The following PLXNA2 variants were observed in gnomAD, a reference collection of about 807,000 sequenced individuals.
The protein encoded by PLXNA2 is plexin A2.
Under a neutral mutation model 193.5 loss-of-function variants are expected in PLXNA2, and 91 were observed. The ratio of observed to expected loss-of-function variants is 0.47; its 90% CI spans 0.40 to 0.56. The LOEUF is 0.56. PLXNA2 is among the 20% of genes least tolerant of loss of function. The pLI, the probability that PLXNA2 is intolerant of heterozygous loss-of-function variation, is 0.00. For synonymous variants in PLXNA2, 997 were observed against 1,027.3 expected, an observed-to-expected ratio of 0.97 and a Z score of 0.56; for missense variants, 1,995 against 2,503.2, an observed-to-expected ratio of 0.80 and a Z score of 4.33.
At chr1:208,121,030 G>T (rs1158748841) in intron 4 of PLXNA2, among the ~76,000 whole-genome samples, 1 of 152,162 alleles carries the variant, frequency 6.6e-6, no homozygotes, top group Non-Finnish European at 1.5e-5. Flanking sequence ...GATTTCCTTT[G>T]TTACTCATTC....
At chr1:208,195,651 T>TGG (rs35681950) in intron 3 of PLXNA2, among the ~76,000 whole-genome samples, 1 of 109,076 alleles carries the variant, frequency 9.2e-6, no homozygotes, top group East Asian at 3.5e-4. Flanking sequence ...AAATGTTTTT[T>TGG]GGGGGGGGGG....
chr1:208,145,978 A>AGTGGTGG (rs1396551051), intron 3 of PLXNA2, among the ~76,000 whole-genome samples: 1 of 152,140 alleles, frequency 6.6e-6, no homozygotes, highest in Non-Finnish European at 1.5e-5. Context: ...CCCCCGATCC[A>AGTGGTGG]TGCTATCTGC....
chr1:208,114,334 T>C (rs1176097810), intron 4 of PLXNA2, among the ~76,000 whole-genome samples: 6 of 152,352 alleles, frequency 3.9e-5, no homozygotes, highest in African/African-American at 1.2e-4. Context: ...GGACCCCACG[T>C]TGATGTTCCC....
chr1:208,058,033 C>T (rs1571870313), intron 13 of PLXNA2, among the ~76,000 whole-genome samples: 1 of 152,206 alleles, frequency 6.6e-6, no homozygotes, highest in South Asian at 2.1e-4. Flanking sequence ...GCACCAGTCT[C>T]CTGGAATGCA....
intron 3 of PLXNA2, among the ~76,000 whole-genome samples, chr1:208,168,762 G>A (rs1284531773): frequency 1.2e-5 from 1 of 85,740 alleles, no homozygotes; most frequent in Admixed American, 1.7e-4. Context: ...AGAATGACAG[G>A]TAGTGCTCCT....
Position 208,103,210 on chromosome 1 carries a change from G to C in PLXNA2, c.1544C>G (p.Thr515Arg). 6.2e-7 allele frequency: 1 copy of C among 1,614,046 alleles called. No homozygotes were observed. Among genetic ancestry groups the C allele is most frequent in the Non-Finnish European group, 8.5e-7 (1 of 1,179,974 alleles). The change falls in exon 5 of 32, where the codon ACG becomes AGG. Residue 515 changes from threonine (T) to arginine (R), a missense_variant. By Grantham distance (71) the Thr-to-Arg change is moderately conservative. Coordinates refer to ENST00000367033, the MANE Select transcript of PLXNA2 (RefSeq NM_025179.4). ...RVPVESCEQY[T>R]TCGECLSSGD... ...AGAGCTCAGGCACTCCCCACAAGTCGTATACTGCTCACATGACTCCACGGG... is the reference window on the plus strand; with the variant it reads ...AGAGCTCAGGCACTCCCCACAAGTCCTATACTGCTCACATGACTCCACGGG...
chr1:208,065,006 T>C (rs1490306481), intron 12 of PLXNA2, among the ~76,000 whole-genome samples: 1 of 152,170 alleles, frequency 6.6e-6, no homozygotes, highest in Non-Finnish European at 1.5e-5. Context: ...CTGGCCTTTC[T>C]ACATGGATCT....
chr1:208,111,873 G>A (rs1667486991), intron 4 of PLXNA2, among the ~76,000 whole-genome samples: 1 of 152,118 alleles, frequency 6.6e-6, no homozygotes, highest in African/African-American at 2.4e-5. Context: ...AGGAAAAAGA[G>A]GCACAAAAAC....
chr1:208,035,175 TG>T (rs541596661), intron 26 of PLXNA2, among the ~76,000 whole-genome samples: 161 of 148,662 alleles, frequency 1.1e-3, no homozygotes, highest in Non-Finnish European at 1.9e-3. Context: ...ATTTTACAGA[TG>T]AAAAAAAAAA....
chr1:208,138,803 G>A (rs1357855948), intron 4 of PLXNA2, among the ~76,000 whole-genome samples: 1 of 152,200 alleles, frequency 6.6e-6, no homozygotes, highest in Non-Finnish European at 1.5e-5. Context: ...AAGGCAGGTG[G>A]ATCACTTGAG....
chr1:208,056,259 G>A (rs1665429257), intron 13 of PLXNA2, among the ~76,000 whole-genome samples: 1 of 152,158 alleles, frequency 6.6e-6, no homozygotes, highest in South Asian at 2.1e-4. Context: ...GCAGTGCTGG[G>A]GAAGACAAAG....
intron 1 of PLXNA2, among the ~76,000 whole-genome samples, chr1:208,238,048 G>A (rs1295073685): frequency 6.6e-6 from 1 of 152,178 alleles, no homozygotes; most frequent in African/African-American, 2.4e-5. Flanking sequence ...CTATACTATG[G>A]TTGAGAGGGA....
intron 2 of PLXNA2, among the ~76,000 whole-genome samples, chr1:208,214,674 A>G (rs192632457): frequency 1.3e-5 from 2 of 152,178 alleles, no homozygotes; most frequent in Non-Finnish European, 2.9e-5. Context: ...TGTACAAGAA[A>G]CCTACTTTTG....
At position 208,051,077 on chromosome 1, in the gene PLXNA2, C is replaced by T; in HGVS notation, c.3187G>A (p.Gly1063Ser). ...TCCTGAATGACATCCAGGTTGAAGCCTGTGATGGTCAGGGGTGTGTGGCCA... is the reference window on the plus strand; with the variant it reads ...TCCTGAATGACATCCAGGTTGAAGCTTGTGATGGTCAGGGGTGTGTGGCCA... ...ASGHTPLTITGFNLDVIQEPR... is the reference protein window; with the variant it reads ...ASGHTPLTITSFNLDVIQEPR... The change falls in exon 17 of 32, where the codon GGC becomes AGC. Residue 1063 changes from glycine to serine, a missense_variant. Physicochemically the swap from Gly to Ser is moderately conservative, Grantham distance 56. Coordinates refer to ENST00000367033, the MANE Select transcript of PLXNA2 (RefSeq NM_025179.4). 2 of 1,614,140 alleles carry T rather than the reference C, an allele frequency of 1.2e-6. No individual in the cohort carries two copies. The highest frequency in any genetic ancestry group is 1.7e-6 in the Non-Finnish European group (2 of 1,179,992).
chr1:208,204,838 A>C (rs1329401229), intron 3 of PLXNA2, among the ~76,000 whole-genome samples: 1 of 152,150 alleles, frequency 6.6e-6, no homozygotes, highest in East Asian at 1.9e-4. Flanking sequence ...TGCCATGCAT[A>C]GTGGTTGAAG....
intron 9 of PLXNA2, among the ~76,000 whole-genome samples, chr1:208,086,490 T>G (rs758798973): frequency 7.9e-5 from 12 of 152,044 alleles, no homozygotes; most frequent in South Asian, 2.1e-4. Context: ...GATAATTTAC[T>G]ACTGACAATT....
In PLXNA2 at chr1:208,236,788, T is replaced by C. The variant is rs563108471; in HGVS notation, c.-81+6855A>G. On this transcript the variant is annotated intron_variant, in intron 1 of 31. Transcript: ENST00000367033. The surrounding 1 kb of genome is among the most constrained non-coding windows in gnomAD (Gnocchi z 4.4). ...TGGAATCTAGTGGTTCTTTACATTG[T>C]GGAGGGGGCAAGAACTCCTTCTCTT... Among the ~76,000 whole-genome samples, 48 of 152,326 alleles carry C rather than the reference T, an allele frequency of 3.2e-4. 1 individual carries two copies. The highest frequency in any genetic ancestry group is 1.1e-3 in the African/African-American group (47 of 41,576).
intron 3 of PLXNA2, among the ~76,000 whole-genome samples, chr1:208,183,576 G>A (rs1374317897): frequency 4.5e-5 from 6 of 133,306 alleles, no homozygotes; most frequent in Non-Finnish European, 8.0e-5. Flanking sequence ...TGCTGTAGAC[G>A]AGAAGCCAGA....
At chr1:208,171,504 G>A (rs1433210431) in intron 3 of PLXNA2, among the ~76,000 whole-genome samples, 1 of 152,138 alleles carries the variant, frequency 6.6e-6, no homozygotes, top group Non-Finnish European at 1.5e-5. Context: ...TACCTAACCT[G>A]CTCGCTAACC....
Sources: gnomAD v4.1 joint callset for allele counts (sites outside exome capture counted in the v4.1 genomes callset) on GRCh38, gnomAD v4.1.1 for gene constraint, Gnocchi (gnomAD v3.1) non-coding constraint, MANE v1.5 for transcripts, NCBI Gene and HGNC (gene_info 2026-07-23, HGNC 2026-07-21) for gene names.